The following NANP variants were observed in gnomAD, a reference collection of about 807,000 sequenced individuals.
NANP encodes N-acetylneuraminic acid phosphatase, also known as N-acylneuraminate-9-phosphatase.
Under a neutral mutation model 16.9 loss-of-function variants are expected in NANP, and 15 were observed. The observed-to-expected ratio is 0.89, with a 90% CI of 0.59 to 1.37. The LOEUF (loss-of-function observed/expected upper bound fraction) is 1.37, where lower values mean the gene tolerates loss of function less well. Ranked by LOEUF, NANP falls within the 40% of genes most tolerant of loss-of-function variation. The pLI is 0.00. For missense variants in NANP, 290 were observed against 303.5 expected, an observed-to-expected ratio of 0.96 and a Z score of 0.33; for synonymous variants, 135 against 112.6, an observed-to-expected ratio of 1.20 and a Z score of -1.26.
chr20:25,617,436 T>G (rs577556340), intron 1 of NANP, among the ~76,000 whole-genome samples: 137 of 152,282 alleles, frequency 9.0e-4, no homozygotes, highest in African/African-American at 3.1e-3. Context: ...GGTCTCGAAC[T>G]CCTGACCTCA....
intron 1 of NANP, among the ~76,000 whole-genome samples, chr20:25,616,995 T>A (rs1256777109): frequency 6.6e-6 from 1 of 152,174 alleles, no homozygotes; most frequent in Non-Finnish European, 1.5e-5. Context: ...AGGACCAGCA[T>A]GAGCAACATA....
At chr20:25,616,986 G>A (rs1262191365) in intron 1 of NANP, among the ~76,000 whole-genome samples, 2 of 152,112 alleles carry the variant, frequency 1.3e-5, no homozygotes, top group Admixed American at 1.3e-4. Flanking sequence ...TAGGAGTTCA[G>A]GACCAGCATG....
rs1332664654 is a variant in NANP, at chr20:25,623,968, A to G, written c.-20T>C. The G allele has an allele frequency of 1.9e-6, 3 of 1,609,498 alleles. No homozygotes were observed. Among genetic ancestry groups the G allele is most frequent in the East Asian group, 2.2e-5 (1 of 44,748 alleles). On this transcript the variant is annotated 5_prime_UTR_variant, in exon 1 of 2. Coordinates refer to ENST00000304788, the MANE Select transcript of NANP (RefSeq NM_152667.3). ...CCCCATAGCGCCGGCCGCTGGCGCG[A>G]ACCGTAGCCTTGCCACCGCCGCCTG...
At position 25,615,993 on chromosome 20, in the gene NANP, C is replaced by A. The variant is rs777654733; in HGVS notation, c.679G>T (p.Val227Phe). ...LKSSPVPHYM[V>F]SSVLELPALL... ...GCAGGTAACTCTAGCACAGAAGAAA[C>A]CATGTAATGCGGAACTGGGGAGGAC... is the stretch of plus-strand genomic sequence containing the variant. The change falls in exon 2 of 2, where the codon GTT (valine) becomes TTT (phenylalanine). Residue 227 changes from valine to phenylalanine, a missense_variant. Val to Phe is a conservative substitution (Grantham distance 50, BLOSUM62 -1). Transcript: ENST00000304788. The A allele has an allele frequency of 1.2e-6, 2 of 1,614,180 alleles. No individual in the cohort carries two copies. Among genetic ancestry groups the A allele is most frequent in the Admixed American group, 3.3e-5 (2 of 60,016 alleles).
At position 25,616,140 on chromosome 20, in the gene NANP, C is replaced by G; in HGVS notation, c.532G>C (p.Gly178Arg). 1 of 1,614,086 alleles carries G rather than the reference C, an allele frequency of 6.2e-7. No individual in the cohort carries two copies. Among genetic ancestry groups the G allele is most frequent in the Non-Finnish European group, 8.5e-7 (1 of 1,180,018 alleles). Residue 178 changes from glycine (G) to arginine (R), a missense_variant, in exon 2 of 2, where the codon GGA (glycine) becomes CGA (arginine). Physicochemically the swap from Gly to Arg is moderately radical, Grantham distance 125 (BLOSUM62 -2). Coordinates refer to ENST00000304788, the MANE Select transcript of NANP (RefSeq NM_152667.3). ...SIFYYCCNLL[G>R]VQPGDCVMVG... The stretch of plus-strand genomic sequence containing the variant: ...ATCACACAGTCCCCAGGTTGTACTC[C>G]GAGAAGATTGCAGCAGTAATAAAAT...
intron 1 of NANP, among the ~76,000 whole-genome samples, chr20:25,619,050 C>G (rs910030816): frequency 1.3e-5 from 2 of 151,982 alleles, no homozygotes; most frequent in Admixed American, 6.6e-5. Context: ...AAACTCAACT[C>G]ACCTACTGAG....
At chr20:25,619,428 A>G (rs763409995) in intron 1 of NANP, among the ~76,000 whole-genome samples, 1 of 152,154 alleles carries the variant, frequency 6.6e-6, no homozygotes, top group African/African-American at 2.4e-5. Context: ...GGCTGAAAGG[A>G]AAATATTTTT....
At chr20:25,621,617 C>T (rs1323424516) in intron 1 of NANP, among the ~76,000 whole-genome samples, 2 of 152,190 alleles carry the variant, frequency 1.3e-5, no homozygotes, top group African/African-American at 4.8e-5. Context: ...TGCAGTGGCG[C>T]GATCTCGGCT....
intron 1 of NANP, among the ~76,000 whole-genome samples, chr20:25,620,331 G>A (rs1315783282): frequency 6.6e-6 from 1 of 152,162 alleles, no homozygotes; most frequent in African/African-American, 2.4e-5. Flanking sequence ...CTGGCCTGAA[G>A]AAAGGGGCCC....
In NANP at chr20:25,616,256, C is replaced by T; in HGVS notation, c.416G>A (p.Arg139Lys). Reference protein sequence around the residue: ...LLTNGDRQTQREKIEACACQS... With the variant: ...LLTNGDRQTQKEKIEACACQS... ...ACAGGCACAAGCCTCAATCTTCTCC[C>T]TCTGGGTCTGTCTGTCCCCATTCGT... Residue 139 changes from arginine to lysine, a missense_variant, in exon 2 of 2, where the codon AGG becomes AAG. Arg to Lys is a conservative substitution (Grantham distance 26). Transcript: ENST00000304788. 6.2e-7 allele frequency: 1 copy of T among 1,614,188 alleles called. No individual in the cohort carries two copies. The highest frequency in any genetic ancestry group is 1.1e-5 in the South Asian group (1 of 91,086).
At chr20:25,617,646 A>G (rs1167794253) in intron 1 of NANP, among the ~76,000 whole-genome samples, 2 of 152,020 alleles carry the variant, frequency 1.3e-5, no homozygotes, top group Non-Finnish European at 2.9e-5. Context: ...CCTCCCGCGT[A>G]GGTGAGACTA....
At position 25,614,305 on chromosome 20, in the gene NANP, T is replaced by A. The variant is rs2122200092; in HGVS notation, c.*1620A>T. On this transcript the variant is annotated 3_prime_UTR_variant, in exon 2 of 2. Coordinates refer to ENST00000304788, the MANE Select transcript of NANP (RefSeq NM_152667.3). ...ACATCCCAACATATAGCCTACTATT[T>A]TACATTAGTAGTTTCTTATATAACA... 1 of 153,536 alleles carries A rather than the reference T, an allele frequency of 6.5e-6. No individual in the cohort carries two copies. The highest frequency in any genetic ancestry group is 2.4e-5 in the African/African-American group (1 of 41,620). 9.5% of individuals were successfully genotyped at this position (153,536 alleles called of 1,614,324 possible).
rs769286895 is a variant in NANP, at chr20:25,616,064, A to C, written c.608T>G (p.Leu203Trp). The C allele has an allele frequency of 1.2e-6, 2 of 1,614,192 alleles. No homozygotes were observed. Among genetic ancestry groups the C allele is most frequent in the Non-Finnish European group, 1.7e-6 (2 of 1,180,034 alleles). Residue 203 changes from leucine (L) to tryptophan (W), a missense_variant, in exon 2 of 2, where the codon TTG becomes TGG. Physicochemically the swap from Leu to Trp is moderately conservative, Grantham distance 61 (BLOSUM62 -2). Coordinates refer to ENST00000304788, the MANE Select transcript of NANP (RefSeq NM_152667.3). ...TTTATTGATCCAGACTGTTGCTTTC[A>C]ATCCTGCATTGAGGCCTCCTTGGAT... ...TDIQGGLNAG[L>W]KATVWINKNG...
At chr20:25,622,981 C>A (rs1201763482) in intron 1 of NANP, among the ~76,000 whole-genome samples, 1 of 152,142 alleles carries the variant, frequency 6.6e-6, no homozygotes, top group Non-Finnish European at 1.5e-5. Context: ...GAGTGGAATG[C>A]AGCTAAAAAG....
chr20:25,618,514 A>C (rs977852440), intron 1 of NANP, among the ~76,000 whole-genome samples: 3 of 152,144 alleles, frequency 2.0e-5, no homozygotes, highest in Non-Finnish European at 2.9e-5. Flanking sequence ...CCCATGTTAT[A>C]GCAGGTGCTG....
At position 25,615,559 on chromosome 20, in the gene NANP, A is replaced by T. The variant is rs1418814135; in HGVS notation, c.*366T>A. The T allele has an allele frequency of 5.9e-6, 1 of 169,416 alleles. No individual in the cohort carries two copies. Among genetic ancestry groups the T allele is most frequent in the South Asian group, 1.9e-4 (1 of 5,204 alleles). The allele number at this position is 169,416 out of a possible 1,614,324, so 10.5% of individuals were successfully genotyped here. ...TTTTAAGCCAGAAGATAAACCTTAC[A>T]TTTGTGCATCCATGTGTAAAGCAAT... On this transcript the variant is annotated 3_prime_UTR_variant, in exon 2 of 2. Transcript: ENST00000304788.
At chr20:25,623,810 C>G in intron 1 of NANP, 49 bp downstream of exon 1, 1 of 1,544,486 alleles carries the variant, frequency 6.5e-7, no homozygotes, top group Non-Finnish European at 8.9e-7. Flanking sequence ...CAGGACGGGG[C>G]GGGGCGCACT....
At chr20:25,617,776 C>G (rs984674623) in intron 1 of NANP, among the ~76,000 whole-genome samples, 5 of 152,168 alleles carry the variant, frequency 3.3e-5, no homozygotes, top group Non-Finnish European at 5.9e-5. Context: ...CTCTGCCTGC[C>G]AAAGTGCTGG....
rs1164374800 is a variant in NANP, at chr20:25,613,349, G to C, written c.*2576C>G. 6.6e-6 allele frequency: 1 copy of C among 152,402 alleles called. No homozygotes were observed. The highest frequency in any genetic ancestry group is 6.6e-5 in the Admixed American group (1 of 15,250). The allele number at this position is 152,402 out of a possible 1,614,324, so 9.4% of individuals were successfully genotyped here. ...GGGCACTCCCAGATCTGAGATGTTC[G>C]TGCCTTGTATGTGGAGGTGCACATG... On this transcript the variant is annotated 3_prime_UTR_variant, in exon 2 of 2. Transcript: ENST00000304788.
Sources: allele counts gnomAD v4.1 joint callset (sites outside exome capture counted in the v4.1 genomes callset), GRCh38; gene constraint gnomAD v4.1.1; transcripts MANE v1.5; gene names NCBI Gene and HGNC (gene_info 2026-07-23, HGNC 2026-07-21).